Variants in RELN observed in about 807,000 individuals in gnomAD.
RELN encodes the protein reelin.
RELN carries 108 observed loss-of-function variants against 427.6 expected under a neutral mutation model. That is an observed-to-expected ratio of 0.25 (90% CI 0.22 to 0.30). RELN has a LOEUF of 0.30. RELN is among the 10% of genes least tolerant of loss of function. The pLI is 1.00. For missense variants in RELN, 3,715 were observed against 4,302.8 expected, an observed-to-expected ratio of 0.86 and a Z score of 3.82; for synonymous variants, 1,524 against 1,513.4, an observed-to-expected ratio of 1.01 and a Z score of -0.16.
At chr7:103,864,874 C>T (rs1235518654) in intron 2 of RELN, among the ~76,000 whole-genome samples, 3 of 147,910 alleles carry the variant, frequency 2.0e-5, no homozygotes, top group South Asian at 2.4e-4. Context: ...ATTGATGCCA[C>T]AGAAATGAAA....
intron 64 of RELN, 118 bp downstream of exon 64, chr7:103,478,271 C>T: frequency 1.6e-6 from 1 of 625,924 alleles, no homozygotes; most frequent in Non-Finnish European, 2.8e-6. Flanking sequence ...TTACTGTTTT[C>T]ATAGATTTTT....
intron 4 of RELN, among the ~76,000 whole-genome samples, chr7:103,754,360 A>G (rs766838697): frequency 1.3e-5 from 2 of 152,082 alleles, no homozygotes; most frequent in African/African-American, 2.4e-5. Flanking sequence ...TTATACTTCT[A>G]TTAGTGCTGA....
rs1454858597 is a variant in RELN, at chr7:103,563,528, T to G, written c.5211-1575A>C. On this transcript the variant is annotated intron_variant, in intron 34 of 64. Coordinates refer to ENST00000428762, the MANE Select transcript of RELN (RefSeq NM_005045.4). The surrounding 1 kb of genome is among the most constrained non-coding windows in gnomAD (Gnocchi z 4.1). ...AAGAGTCCAAAAGTTTTAAAAAAAG[T>G]TTATATAATGGAAAAGTTATAGTAA... Among the ~76,000 whole-genome samples the G allele has an allele frequency of 1.3e-5, 2 of 152,212 alleles. No individual in the cohort carries two copies. The highest frequency in any genetic ancestry group is 4.8e-5 in the African/African-American group (2 of 41,462).
intron 1 of RELN, 34 bp from the exon 2 acceptor site, chr7:103,917,219 T>G: frequency 3.5e-6 from 5 of 1,446,490 alleles, no homozygotes; most frequent in Non-Finnish European, 4.9e-6. Flanking sequence ...AAACTCTCAA[T>G]ACAGTCAGAA....
intron 28 of RELN, among the ~76,000 whole-genome samples, chr7:103,580,969 G>T (rs1831117528): frequency 6.6e-6 from 1 of 152,174 alleles, no homozygotes; most frequent in Admixed American, 6.5e-5. Context: ...AAAGTATGGA[G>T]GGAGGAATGC....
At chr7:103,554,238 G>A (rs1388861819) in intron 38 of RELN, among the ~76,000 whole-genome samples, 4 of 146,688 alleles carry the variant, frequency 2.7e-5, no homozygotes, top group Non-Finnish European at 3.0e-5. Flanking sequence ...CTTTCTGGGG[G>A]AAAAAAAAAA....
chr7:103,506,782 C>A (rs151068573), intron 51 of RELN, among the ~76,000 whole-genome samples: 1 of 150,906 alleles, frequency 6.6e-6, no homozygotes, highest in Non-Finnish European at 1.5e-5. Context: ...GATAAAGAGT[C>A]AAGACCCATC....
chr7:103,665,379 TATAA>T (rs989980435), intron 11 of RELN, among the ~76,000 whole-genome samples: 6 of 149,278 alleles, frequency 4.0e-5, no homozygotes, highest in African/African-American at 1.2e-4. Context: ...TATATATATA[TATAA>T]AATCTGTATA....
intron 2 of RELN, among the ~76,000 whole-genome samples, chr7:103,909,044 C>G (rs541686605): frequency 3.2e-4 from 48 of 152,262 alleles, no homozygotes; most frequent in African/African-American, 1.0e-3. Context: ...CCAGGTTATT[C>G]TAAGTAAAGC....
intron 50 of RELN, among the ~76,000 whole-genome samples, chr7:103,511,228 G>T (rs1829401926): frequency 6.6e-6 from 1 of 152,056 alleles, no homozygotes; most frequent in Admixed American, 6.5e-5. Flanking sequence ...CACAACCATA[G>T]ATATTAGTCT....
At chr7:103,876,386 CA>C (rs763001545) in intron 2 of RELN, among the ~76,000 whole-genome samples, 1 of 152,106 alleles carries the variant, frequency 6.6e-6, no homozygotes, top group Non-Finnish European at 1.5e-5. Flanking sequence ...TGAACACACA[CA>C]CAAATAAAAT....
At position 103,685,459 on chromosome 7, in the gene RELN, A is replaced by G. The variant is rs574379730; in HGVS notation, c.1144-3198T>C. Among the ~76,000 whole-genome samples, 238 of 152,246 alleles carry G rather than the reference A, an allele frequency of 1.6e-3. 3 individuals are homozygous for G. Among genetic ancestry groups the G allele is most frequent in the African/African-American group, 5.5e-3 (228 of 41,558 alleles). The stretch of plus-strand genomic sequence containing the variant: ...GGTTTTCTTTAGCAGATGATTCTAA[A>G]TCACATGTGATTTCCTGAGCCACAG... On this transcript the variant is annotated intron_variant, in intron 10 of 64. Coordinates refer to ENST00000428762, the MANE Select transcript of RELN (RefSeq NM_005045.4).
chr7:103,883,370 C>T (rs1041683326), intron 2 of RELN, among the ~76,000 whole-genome samples: 116 of 152,290 alleles, frequency 7.6e-4, no homozygotes, highest in Admixed American at 6.9e-3. Context: ...TGAAAACCGG[C>T]GCAAGACAAG....
At chr7:103,977,070 G>T (rs1235632591) in intron 1 of RELN, among the ~76,000 whole-genome samples, 1 of 151,496 alleles carries the variant, frequency 6.6e-6, no homozygotes, top group African/African-American at 2.4e-5. Flanking sequence ...CAGCACTTTG[G>T]GAGGCTGAGG....
In RELN at chr7:103,589,720, C is replaced by T. The variant is rs1831365820; in HGVS notation, c.4021G>A (p.Ala1341Thr). 1 of 1,613,572 alleles carries T rather than the reference C, an allele frequency of 6.2e-7. No individual in the cohort carries two copies. The highest frequency in any genetic ancestry group is 2.2e-5 in the East Asian group (1 of 44,874). The change falls in exon 28 of 65, where the codon GCT becomes ACT. Residue 1341 changes from alanine (A) to threonine (T), a missense_variant. Coordinates refer to ENST00000428762, the MANE Select transcript of RELN (RefSeq NM_005045.4). ...CCTTCGCATCCTTTGCCTGCAGAAG[C>T]CGGGTAACAGCCTTCTTTCACCAGA... ...WFLVKEGCYP[A>T]SAGKGCEGNS...
At chr7:103,971,199 G>A (rs192050143) in intron 1 of RELN, among the ~76,000 whole-genome samples, 1 of 150,680 alleles carries the variant, frequency 6.6e-6, no homozygotes, top group Admixed American at 6.6e-5. Context: ...AGTCAAGTCA[G>A]GATTAGAATC....
chr7:103,730,168 T>G (rs1424516784), intron 6 of RELN, among the ~76,000 whole-genome samples: 1 of 152,138 alleles, frequency 6.6e-6, no homozygotes, highest in African/African-American at 2.4e-5. Context: ...GCCATTTGTC[T>G]CCAGTGACTC....
intron 7 of RELN, among the ~76,000 whole-genome samples, chr7:103,724,961 T>G (rs1461116972): frequency 1.3e-5 from 2 of 152,048 alleles, no homozygotes; most frequent in African/African-American, 4.8e-5. Flanking sequence ...TATGAGTTAT[T>G]AAGCCTTTAT....
At chr7:103,618,307 A>G (rs1832130595) in intron 20 of RELN, among the ~76,000 whole-genome samples, 1 of 152,154 alleles carries the variant, frequency 6.6e-6, no homozygotes, top group Non-Finnish European at 1.5e-5. Context: ...ATGTGTGGAG[A>G]CACTAATTTT....
Sources: gnomAD v4.1 joint callset for allele counts (sites outside exome capture counted in the v4.1 genomes callset) on GRCh38, gnomAD v4.1.1 for gene constraint, Gnocchi (gnomAD v3.1) non-coding constraint, MANE v1.5 for transcripts, NCBI Gene and HGNC (gene_info 2026-07-23, HGNC 2026-07-21) for gene names.